The following TMEM232 variants were observed in gnomAD, a reference collection of about 807,000 sequenced individuals.
TMEM232 encodes transmembrane protein 232.
A neutral mutation model predicts 78.8 loss-of-function variants in TMEM232; 80 were observed. The observed-to-expected ratio is 1.01, with a 90% CI of 0.85 to 1.22. The LOEUF is 1.22. Among genes scored for constraint, TMEM232 ranks in the 50% most tolerant of loss-of-function variants. TMEM232 has a pLI of 0.00. For missense variants in TMEM232, 881 were observed against 742.2 expected (o/e 1.19, Z -2.17); for synonymous variants, 297 against 254.3 (o/e 1.17, Z -1.60).
intron 1 of TMEM232, among the ~76,000 whole-genome samples, chr5:110,688,358 G>A (rs1322814486): frequency 6.6e-6 from 1 of 152,198 alleles, no homozygotes; most frequent in Non-Finnish European, 1.5e-5. Context: ...GCTTGTTGAA[G>A]AGATGACAGT....
intron 11 of TMEM232, among the ~76,000 whole-genome samples, chr5:110,531,470 A>ATCCGGTAAG (rs1228487829): frequency 6.6e-6 from 1 of 152,198 alleles, no homozygotes; most frequent in Admixed American, 6.5e-5. Flanking sequence ...CTAATTTCAA[A>ATCCGGTAAG]TCCGGTAAGT....
At chr5:110,547,942 G>A (rs1773978791) in intron 11 of TMEM232, among the ~76,000 whole-genome samples, 1 of 146,066 alleles carries the variant, frequency 6.8e-6, no homozygotes, top group African/African-American at 2.6e-5. Context: ...AGGTTGCAGT[G>A]AGCTGAGATC....
intron 11 of TMEM232, among the ~76,000 whole-genome samples, chr5:110,549,951 T>C (rs1318303519): frequency 6.6e-6 from 1 of 152,044 alleles, no homozygotes; most frequent in Non-Finnish European, 1.5e-5. Flanking sequence ...ATTAAAAAAA[T>C]ATAATTTCCC....
rs193174768 is a variant in TMEM232, at chr5:110,444,207, G to A, written c.1704-19291C>T. 4.3e-4 allele frequency among the ~76,000 whole-genome samples: 66 copies of A among 152,124 alleles called. 1 individual carries two copies. The East Asian group carries it at 0.012, about 28-fold the overall frequency. ...TAGACTGCCTTTCAAGTTTACCTCG[G>A]ACCCTAGAGCACTTCAGCCCCTGAT... is the stretch of plus-strand genomic sequence containing the variant. On this transcript the variant is annotated intron_variant, in intron 12 of 13. Transcript: ENST00000455884.
intron 12 of TMEM232, among the ~76,000 whole-genome samples, chr5:110,490,005 T>G (rs1048097668): frequency 6.6e-6 from 1 of 151,822 alleles, no homozygotes; most frequent in Non-Finnish European, 1.5e-5. Flanking sequence ...GTGCCTATAG[T>G]CTCAGCTACT....
At chr5:110,457,687 C>T (rs991441052) in intron 12 of TMEM232, among the ~76,000 whole-genome samples, 4 of 151,752 alleles carry the variant, frequency 2.6e-5, no homozygotes, top group African/African-American at 9.7e-5. Flanking sequence ...TGCATTATTA[C>T]CAATATGTAC....
chr5:110,726,959 G>A (rs567419616), upstream of TMEM232, among the ~76,000 whole-genome samples: 1 of 152,168 alleles, frequency 6.6e-6, no homozygotes, highest in African/African-American at 2.4e-5. Context: ...TCTTAATGCT[G>A]CTTCCCCAAA....
At chr5:110,542,009 T>C (rs56135561) in intron 11 of TMEM232, among the ~76,000 whole-genome samples, 5 of 152,248 alleles carry the variant, frequency 3.3e-5, no homozygotes, top group African/African-American at 9.6e-5. Flanking sequence ...ATATTGGCCA[T>C]GCCTTCTGCA....
intron 10 of TMEM232, among the ~76,000 whole-genome samples, chr5:110,585,591 T>G (rs67685043): frequency 0.2 from 31,111 of 152,042 alleles, 4,567 homozygotes; most frequent in African/African-American, 0.42. Context: ...CTTAGAATAT[T>G]TGGCCACAGG....
chr5:110,587,169 T>C (rs1167596124), intron 10 of TMEM232, among the ~76,000 whole-genome samples: 1 of 152,022 alleles, frequency 6.6e-6, no homozygotes, highest in Non-Finnish European at 1.5e-5. Context: ...TATATATGTA[T>C]GTGTGTGTGT....
intron 5 of TMEM232, among the ~76,000 whole-genome samples, chr5:110,387,545 A>G (rs1755036718): frequency 6.6e-6 from 1 of 152,154 alleles, no homozygotes; most frequent in African/African-American, 2.4e-5. Flanking sequence ...CTTCTTTTTG[A>G]AAAATGTTTA....
intron 12 of TMEM232, among the ~76,000 whole-genome samples, chr5:110,434,619 A>G (rs753042256): frequency 6.6e-6 from 1 of 152,062 alleles, no homozygotes; most frequent in Non-Finnish European, 1.5e-5. Flanking sequence ...TAATACTACT[A>G]TCATCCTGAT....
chr5:110,430,981 A>G (rs1205823582), intron 12 of TMEM232, among the ~76,000 whole-genome samples: 1 of 151,732 alleles, frequency 6.6e-6, no homozygotes, highest in Non-Finnish European at 1.5e-5. Context: ...CTTTTATTTT[A>G]TGGATTGAAA....
intron 8 of TMEM232, 78 bp downstream of exon 8, chr5:110,618,351 T>G (rs1211817266): frequency 1.7e-5 from 26 of 1,507,120 alleles, no homozygotes; most frequent in Non-Finnish European, 2.1e-5. Flanking sequence ...TGATTAACAT[T>G]TAGGTACAAG....
intron 12 of TMEM232, among the ~76,000 whole-genome samples, chr5:110,498,848 T>G (rs1011099003): frequency 1.3e-5 from 2 of 152,024 alleles, no homozygotes; most frequent in Admixed American, 1.3e-4. Flanking sequence ...AAGACCCTCC[T>G]AATGAAGTGA....
upstream of TMEM232, among the ~76,000 whole-genome samples, chr5:110,727,754 GT>G (rs897921021): frequency 1.3e-5 from 2 of 152,158 alleles, no homozygotes; most frequent in African/African-American, 4.8e-5. Context: ...GCATTTTTAT[GT>G]TTAAAACAGA....
chr5:110,533,632 T>G (rs1248138977), intron 11 of TMEM232, among the ~76,000 whole-genome samples: 1 of 152,186 alleles, frequency 6.6e-6, no homozygotes, highest in African/African-American at 2.4e-5. Context: ...TCAGCTGTAC[T>G]CACTCTTTGT....
At chr5:110,683,401 T>C (rs1397556980) in intron 1 of TMEM232, among the ~76,000 whole-genome samples, 6 of 151,872 alleles carry the variant, frequency 4.0e-5, no homozygotes, top group Non-Finnish European at 8.8e-5. Context: ...CACATATATA[T>C]GTTGTGGCCT....
In TMEM232 at chr5:110,420,912, CAT is replaced by C. The variant is rs375239825; in HGVS notation, c.1798-158_1798-157del. ...TTATATCTACCACACTGGCAAAACA[CAT>C]GTGTCACCTATTAGAATGCATGTAA... is the stretch of plus-strand genomic sequence containing the variant. On this transcript the variant is annotated intron_variant, in intron 13 of 13. Coordinates refer to ENST00000455884, the MANE Select transcript of TMEM232 (RefSeq NM_001039763.4). Among the ~76,000 whole-genome samples the C allele has an allele frequency of 4.2e-4, 64 of 151,692 alleles. 1 individual carries two copies. The highest frequency in any genetic ancestry group is 7.8e-4 in the Non-Finnish European group (53 of 67,820).
Sources: gnomAD v4.1 joint callset for allele counts (sites outside exome capture counted in the v4.1 genomes callset) on GRCh38, gnomAD v4.1.1 for gene constraint, MANE v1.5 for transcripts, NCBI Gene and HGNC (gene_info 2026-07-23, HGNC 2026-07-21) for gene names.